Variants in SIPA1L3 observed in about 807,000 individuals in gnomAD.
SIPA1L3 encodes the protein signal induced proliferation associated 1 like 3.
SIPA1L3 carries 59 observed loss-of-function variants against 150.1 expected under a neutral mutation model. The ratio of observed to expected loss-of-function variants is 0.39; its 90% CI spans 0.32 to 0.49. SIPA1L3 has a LOEUF of 0.49. Ranked by LOEUF, SIPA1L3 falls within the 20% of genes least tolerant of loss-of-function variation. The pLI, the probability that SIPA1L3 is intolerant of heterozygous loss-of-function variation, is 0.86. For synonymous variants in SIPA1L3, 1,070 were observed against 1,077.6 expected, an observed-to-expected ratio of 0.99 and a Z score of 0.14; for missense variants, 2,211 against 2,489.5, an observed-to-expected ratio of 0.89 and a Z score of 2.38.
Position 38,152,956 on chromosome 19 carries a change from G to T in SIPA1L3, c.3650G>T (p.Arg1217Leu), listed in dbSNP as rs200685283. 5 of 1,612,294 alleles carry T rather than the reference G, an allele frequency of 3.1e-6. No individual in the cohort carries two copies. The South Asian group carries it at 4.4e-5, about 14-fold the overall frequency. The change falls in exon 13 of 22, where the codon CGC becomes CTC. Residue 1217 changes from arginine to leucine, a missense_variant. Physicochemically the swap from Arg to Leu is moderately radical, Grantham distance 102. Transcript: ENST00000222345. ...GLTSQESTME[R>L]QKPEPLWHVP... is the part of the protein sequence containing the mutation. ...ACCAGCCAGGAGAGCACCATGGAAC[G>T]CCAGAAGCCAGGTAGGGCCCCCACC... is the stretch of plus-strand genomic sequence containing the variant.
intron 6 of SIPA1L3, among the ~76,000 whole-genome samples, chr19:38,102,335 A>G (rs1216594899): frequency 1.3e-5 from 2 of 151,334 alleles, no homozygotes; most frequent in Non-Finnish European, 2.9e-5. Context: ...GTGAGCCACC[A>G]CACCTGGCCA....
chr19:38,027,363 G>A (rs574731405), intron 1 of SIPA1L3, among the ~76,000 whole-genome samples: 2 of 152,238 alleles, frequency 1.3e-5, no homozygotes, highest in South Asian at 4.2e-4. Flanking sequence ...GCATGAGAAA[G>A]GTTAAGAACC....
chr19:37,963,623 A>G (rs952594733), intron 1 of SIPA1L3, among the ~76,000 whole-genome samples: 17 of 152,240 alleles, frequency 1.1e-4, no homozygotes, highest in African/African-American at 4.1e-4. Context: ...CTTGAAGTTC[A>G]GCGTTTATTT....
chr19:38,061,315 C>T (rs1027493423), intron 2 of SIPA1L3, among the ~76,000 whole-genome samples: 7 of 152,024 alleles, frequency 4.6e-5, no homozygotes, highest in African/African-American at 1.7e-4. Flanking sequence ...CCGCCTGCCT[C>T]GACCTCCCAG....
At chr19:38,125,947 G>T (rs1211287985) in intron 9 of SIPA1L3, among the ~76,000 whole-genome samples, 1 of 152,170 alleles carries the variant, frequency 6.6e-6, no homozygotes. Flanking sequence ...GCCGAGGCGG[G>T]TGGATCACCA....
At chr19:38,199,865 A>G (rs2146066899) in intron 19 of SIPA1L3, 1 of 152,212 alleles carries the variant, frequency 6.6e-6, no homozygotes, top group South Asian at 2.1e-4. Context: ...ATATATATAT[A>G]TATTTTATCC....
At chr19:38,099,847 G>A in intron 4 of SIPA1L3, 115 bp from the exon 5 acceptor site, 1 of 910,696 alleles carries the variant, frequency 1.1e-6, no homozygotes, top group Non-Finnish European at 1.6e-6. Context: ...TGACCTTAGA[G>A]CACAAACTTC....
intron 8 of SIPA1L3, among the ~76,000 whole-genome samples, chr19:38,112,632 A>G (rs185209406): frequency 1.3e-5 from 2 of 152,302 alleles, no homozygotes; most frequent in Non-Finnish European, 2.9e-5. Flanking sequence ...CCATGTGCCC[A>G]CCGCCAGCTT....
At chr19:37,942,458 G>A (rs924415016) in intron 1 of SIPA1L3, among the ~76,000 whole-genome samples, 1 of 148,942 alleles carries the variant, frequency 6.7e-6, no homozygotes. Flanking sequence ...TCCCAGCAGA[G>A]GGAACAGCAG....
At chr19:38,183,626 G>T (rs1310191473) in intron 16 of SIPA1L3, among the ~76,000 whole-genome samples, 1 of 152,208 alleles carries the variant, frequency 6.6e-6, no homozygotes, top group Non-Finnish European at 1.5e-5. Context: ...AAGGAATCCC[G>T]AATTCAGTGG....
chr19:37,936,831 A>G (rs1379307334), intron 1 of SIPA1L3, among the ~76,000 whole-genome samples: 1 of 152,246 alleles, frequency 6.6e-6, no homozygotes, highest in East Asian at 1.9e-4. Context: ...TATGTAATTG[A>G]CAGCAGAATA....
At chr19:38,188,703 A>G (rs993968882) in intron 16 of SIPA1L3, among the ~76,000 whole-genome samples, 2 of 151,870 alleles carry the variant, frequency 1.3e-5, no homozygotes, top group African/African-American at 4.8e-5. Context: ...CGGGCGGATC[A>G]CGAGGTCAGG....
intron 1 of SIPA1L3, among the ~76,000 whole-genome samples, chr19:37,948,453 T>C (rs753975148): frequency 6.8e-6 from 1 of 147,454 alleles, no homozygotes; most frequent in Non-Finnish European, 1.5e-5. Flanking sequence ...GGCAGCAGAG[T>C]GAGACCCGGT....
At chr19:38,007,464 A>G (rs1967977389) in intron 1 of SIPA1L3, among the ~76,000 whole-genome samples, 1 of 144,276 alleles carries the variant, frequency 6.9e-6, no homozygotes, top group Non-Finnish European at 1.5e-5. Flanking sequence ...AAAAAAAAAA[A>G]AAGAAAGAAA....
intron 15 of SIPA1L3, among the ~76,000 whole-genome samples, chr19:38,175,032 ATCGTC>A (rs1260671222): frequency 6.6e-6 from 1 of 152,036 alleles, no homozygotes; most frequent in East Asian, 1.9e-4. Flanking sequence ...TGGTTAAAAT[ATCGTC>A]TCTCAAACCA....
intron 1 of SIPA1L3, among the ~76,000 whole-genome samples, chr19:37,997,428 C>T (rs992877532): frequency 6.6e-6 from 1 of 151,414 alleles, no homozygotes; most frequent in Non-Finnish European, 1.5e-5. Context: ...ATTAGCCAGG[C>T]GTGGTAGCAT....
chr19:38,166,618 A>C (rs1268576426), intron 15 of SIPA1L3, among the ~76,000 whole-genome samples: 1 of 152,128 alleles, frequency 6.6e-6, no homozygotes, highest in Non-Finnish European at 1.5e-5. Context: ...GCTCAGCCTC[A>C]TCCTTGGACC....
chr19:38,001,319 A>G (rs1967803676), intron 1 of SIPA1L3, among the ~76,000 whole-genome samples: 1 of 152,054 alleles, frequency 6.6e-6, no homozygotes, highest in African/African-American at 2.4e-5. Flanking sequence ...CCGCCTGCCC[A>G]GACTTGTTCT....
At chr19:37,947,770 A>C (rs2046725884) in intron 1 of SIPA1L3, among the ~76,000 whole-genome samples, 1 of 152,210 alleles carries the variant, frequency 6.6e-6, no homozygotes, top group Admixed American at 6.5e-5. Context: ...GAAATATTGC[A>C]GATTTATTTA....
Sources: gnomAD v4.1 joint callset for allele counts (sites outside exome capture counted in the v4.1 genomes callset) on GRCh38, gnomAD v4.1.1 for gene constraint, MANE v1.5 for transcripts, NCBI Gene and HGNC (gene_info 2026-07-23, HGNC 2026-07-21) for gene names.